The following DNAI4 variants were observed in gnomAD, a reference collection of about 807,000 sequenced individuals.
DNAI4 encodes dynein axonemal intermediate chain 4.
In DNAI4, 85 loss-of-function variants were observed where a neutral mutation model predicts 105.8. The ratio of observed to expected loss-of-function variants is 0.80; its 90% CI spans 0.67 to 0.96. The LOEUF is 0.96. Ranked by LOEUF, DNAI4 falls within the 40% of genes least tolerant of loss-of-function variation. The pLI is 0.00. For synonymous variants in DNAI4, 352 were observed against 331.5 expected (o/e 1.06, Z -0.67); for missense variants, 1,014 against 1,005.6 (o/e 1.01, Z -0.11).
At position 66,890,431 on chromosome 1, in the gene DNAI4, T is replaced by C. The variant is rs1647496247; in HGVS notation, c.643+723A>G. On this transcript the variant is annotated intron_variant, in intron 4 of 16. Coordinates refer to ENST00000371026, the MANE Select transcript of DNAI4 (RefSeq NM_024763.5). This position sits in a 1 kb window ranked among gnomAD's most constrained non-coding sequence, Gnocchi z 4.1. ...GGCCAACATGATGAAACCCCGTCTC[T>C]ATTAAAAATACAAAAAAATTAGCCA... The C allele has an allele frequency of 6.6e-6, 1 of 152,398 alleles. No homozygotes were observed. Among genetic ancestry groups the C allele is most frequent in the Admixed American group, 6.6e-5 (1 of 15,258 alleles). The allele number at this position is 152,398 out of a possible 1,614,324, so 9.4% of individuals were successfully genotyped here.
chr1:66,836,296 GAAAGAAAGAAAGAAAGAA>G (rs1557909007), intron 10 of DNAI4, among the ~76,000 whole-genome samples: 1 of 149,844 alleles, frequency 6.7e-6, no homozygotes, highest in African/African-American at 2.5e-5. Flanking sequence ...AAGAAAGAAA[GAAAGAAAGAAAGAAAGAA>G]AGAAAGAAAG....
At chr1:66,833,955 C>G in intron 12 of DNAI4, 36 bp downstream of exon 12, 1 of 1,558,634 alleles carries the variant, frequency 6.4e-7, no homozygotes, top group Non-Finnish European at 8.6e-7. Context: ...TAATTCAGCA[C>G]GTAACAAGAA....
At chr1:66,894,896 C>T (rs1648183230) in intron 2 of DNAI4, among the ~76,000 whole-genome samples, 1 of 152,028 alleles carries the variant, frequency 6.6e-6, no homozygotes, top group African/African-American at 2.4e-5. Context: ...TTAGCATTTA[C>T]ATATAAATTT....
intron 1 of DNAI4, among the ~76,000 whole-genome samples, chr1:66,924,339 T>G (rs1011120875): frequency 1.3e-5 from 2 of 152,164 alleles, no homozygotes; most frequent in Non-Finnish European, 2.9e-5. Flanking sequence ...TCCGGCTAAC[T>G]TTTTGTATTT....
In DNAI4 at chr1:66,871,454, A is replaced by G. The variant is rs1646844220; in HGVS notation, c.856T>C (p.Tyr286His). Residue 286 changes from tyrosine (Y) to histidine (H), a missense_variant, in exon 6 of 17, where the codon TAT (tyrosine) becomes CAT (histidine). Tyr to His is a moderately conservative substitution (Grantham distance 83). Coordinates refer to ENST00000371026, the MANE Select transcript of DNAI4 (RefSeq NM_024763.5). ...LCRNRLGNDL[Y>H]VERMMQTFNG... ...AAAGTCTGCATCATCCTTTCAACAT[A>G]TAGGTCATTGCCTAATCTGTTTCTA... The G allele has an allele frequency of 6.2e-7, 1 of 1,611,550 alleles. No homozygotes were observed. The highest frequency in any genetic ancestry group is 1.3e-5 in the African/African-American group (1 of 74,862).
chr1:66,848,347 G>T, intron 7 of DNAI4: 1 of 439,850 alleles, frequency 2.3e-6, no homozygotes, highest in Non-Finnish European at 4.5e-6. Context: ...TACCCCATGT[G>T]ATTAGACTGG....
At chr1:66,841,352 A>C (rs1230007363) in intron 8 of DNAI4, among the ~76,000 whole-genome samples, 2 of 152,060 alleles carry the variant, frequency 1.3e-5, no homozygotes, top group South Asian at 2.1e-4. Context: ...TTACCAATAG[A>C]CATTGCTGGA....
At chr1:66,868,852 C>G (rs563227599) in intron 6 of DNAI4, among the ~76,000 whole-genome samples, 4 of 151,800 alleles carry the variant, frequency 2.6e-5, no homozygotes, top group African/African-American at 9.7e-5. Context: ...CCGAGGTGGG[C>G]AGATCATGGG....
chr1:66,883,180 C>CTTTTTTTT (rs755412295), intron 4 of DNAI4, among the ~76,000 whole-genome samples: 30 of 93,014 alleles, frequency 3.2e-4, no homozygotes, highest in African/African-American at 1.1e-3. Context: ...GTTTTCTTTT[C>CTTTTTTTT]TTTTTTTTTT....
intron 9 of DNAI4, among the ~76,000 whole-genome samples, chr1:66,840,018 T>C (rs894969661): frequency 1.2e-4 from 18 of 152,234 alleles, no homozygotes; most frequent in Non-Finnish European, 2.1e-4. Context: ...GTGGTAACAG[T>C]ATTTTAAAGA....
chr1:66,852,891 C>T (rs1018911678), intron 7 of DNAI4, among the ~76,000 whole-genome samples: 1 of 152,128 alleles, frequency 6.6e-6, no homozygotes, highest in Non-Finnish European at 1.5e-5. Flanking sequence ...CTGTGTCTGC[C>T]ATGTAAGGAT....
In DNAI4 at chr1:66,827,033, T is replaced by G. The variant is rs1645770646; in HGVS notation, c.2126A>C (p.Lys709Thr). ...TYRGHKGPVY[K>T]VTWNPFCHDV... is the part of the protein sequence containing the mutation. ...ATGACAAAATGGATTCCATGTCACTTTATACACTGGACCCTAGAAATAAAA... is the reference window on the plus strand; with the variant it reads ...ATGACAAAATGGATTCCATGTCACTGTATACACTGGACCCTAGAAATAAAA... Residue 709 changes from lysine (K) to threonine (T), a missense_variant, in exon 15 of 17, where the codon AAA (lysine) becomes ACA (threonine). Coordinates refer to ENST00000371026, the MANE Select transcript of DNAI4 (RefSeq NM_024763.5). The G allele has an allele frequency of 9.3e-6, 15 of 1,613,816 alleles. No individual in the cohort carries two copies. Among genetic ancestry groups the G allele is most frequent in the Admixed American group, 1.7e-5 (1 of 59,996 alleles).
intron 2 of DNAI4, 60 bp from the exon 3 acceptor site, chr1:66,893,473 G>C (rs868364041): frequency 1.7e-6 from 2 of 1,199,264 alleles, no homozygotes; most frequent in East Asian, 5.4e-5. Context: ...CTAAATAACA[G>C]CTGCTAGAAA....
chr1:66,907,915 C>A (rs947862910), intron 1 of DNAI4, among the ~76,000 whole-genome samples: 1 of 152,132 alleles, frequency 6.6e-6, no homozygotes, highest in South Asian at 2.1e-4. Context: ...ATCCTTCGAC[C>A]CTATTATGAC....
intron 7 of DNAI4, among the ~76,000 whole-genome samples, chr1:66,858,247 T>G (rs1046728589): frequency 1.3e-5 from 2 of 151,672 alleles, no homozygotes; most frequent in Non-Finnish European, 2.9e-5. Context: ...ATGCAAAAAT[T>G]GGCCGGGCGC....
At position 66,826,970 on chromosome 1, in the gene DNAI4, A is replaced by T; in HGVS notation, c.2189T>A (p.Ile730Asn). 2 of 1,614,182 alleles carry T rather than the reference A, an allele frequency of 1.2e-6. No individual in the cohort carries two copies. The highest frequency in any genetic ancestry group is 2.2e-5 in the South Asian group (2 of 91,086). ...FLSCSADWGV[I>N]IWQQENVKPS... ...CTTGACATTCTCCTGTTGCCATATA[A>T]TAACACCCCAATCTGCAGAACAGCT... Residue 730 changes from isoleucine (I) to asparagine (N), a missense_variant, in exon 15 of 17, where the codon ATT becomes AAT. By Grantham distance (149) the Ile-to-Asn change is moderately radical (BLOSUM62 -3). Transcript: ENST00000371026.
chr1:66,909,138 G>A (rs1649469011), intron 1 of DNAI4, among the ~76,000 whole-genome samples: 1 of 152,010 alleles, frequency 6.6e-6, no homozygotes, highest in East Asian at 1.9e-4. Context: ...CCTTCAGCAT[G>A]TAAACAAGCT....
At chr1:66,820,135 T>C (rs1056191695) in intron 16 of DNAI4, among the ~76,000 whole-genome samples, 3 of 152,126 alleles carry the variant, frequency 2.0e-5, no homozygotes, top group African/African-American at 7.2e-5. Flanking sequence ...AAATATCTGA[T>C]ACTCAATAAA....
At chr1:66,856,410 T>C (rs1036979083) in intron 7 of DNAI4, among the ~76,000 whole-genome samples, 1 of 151,752 alleles carries the variant, frequency 6.6e-6, no homozygotes, top group African/African-American at 2.4e-5. Context: ...GAGGCAGAGC[T>C]TGTAGTGAGC....
Sources: gnomAD v4.1 joint callset for allele counts (sites outside exome capture counted in the v4.1 genomes callset) on GRCh38, gnomAD v4.1.1 for gene constraint, Gnocchi (gnomAD v3.1) non-coding constraint, MANE v1.5 for transcripts, NCBI Gene and HGNC (gene_info 2026-07-23, HGNC 2026-07-21) for gene names.